Variants in PPP2R2B observed in about 807,000 individuals in gnomAD.
PPP2R2B encodes protein phosphatase 2 regulatory subunit Bbeta, also known as serine/threonine-protein phosphatase 2A 55 kDa regulatory subunit B beta isoform.
A neutral mutation model predicts 46.0 loss-of-function variants in PPP2R2B; 5 were observed. The ratio of observed to expected loss-of-function variants is 0.11; its 90% CI spans 0.06 to 0.23. The LOEUF (loss-of-function observed/expected upper bound fraction) is 0.23, where lower values mean the gene tolerates loss of function less well. Ranked by LOEUF, PPP2R2B falls within the 10% of genes least tolerant of loss-of-function variation. The pLI, the probability that PPP2R2B is intolerant of heterozygous loss-of-function variation, is 1.00. For synonymous variants in PPP2R2B, 215 were observed against 206.7 expected, an observed-to-expected ratio of 1.04 and a Z score of -0.34; for missense variants, 367 against 575.0, an observed-to-expected ratio of 0.64 and a Z score of 3.70.
chr5:146,651,614 T>C (rs6861288), intron 5 of PPP2R2B, among the ~76,000 whole-genome samples: 115,205 of 152,048 alleles, frequency 0.76, 44,564 homozygotes, highest in East Asian at 0.83. Context: ...CACTAATGCC[T>C]GAGAGGGAAC....
At chr5:146,971,142 A>T (rs1752644559) in intron 1 of PPP2R2B, among the ~76,000 whole-genome samples, 1 of 152,232 alleles carries the variant, frequency 6.6e-6, no homozygotes, top group South Asian at 2.1e-4. Flanking sequence ...AGAATGCTGC[A>T]TCTTTTCATT....
At chr5:146,704,731 AT>A (rs58940771) in intron 2 of PPP2R2B, among the ~76,000 whole-genome samples, 2,393 of 150,670 alleles carry the variant, frequency 0.016, 71 homozygotes, top group African/African-American at 0.054. Flanking sequence ...TGAGTTTATT[AT>A]TTTTTTTTTA....
At chr5:147,079,714 G>A (rs1757917887) in intron 2 of PPP2R2B, among the ~76,000 whole-genome samples, 1 of 151,860 alleles carries the variant, frequency 6.6e-6, no homozygotes, top group Non-Finnish European at 1.5e-5. Context: ...GATGGAAAGA[G>A]ATTAGTCAAT....
intron 5 of PPP2R2B, among the ~76,000 whole-genome samples, chr5:146,665,082 G>T (rs322975): frequency 2.0e-5 from 3 of 152,088 alleles, no homozygotes; most frequent in Non-Finnish European, 2.9e-5. Flanking sequence ...AAGGGCCCCA[G>T]GACTTTCAGA....
intron 2 of PPP2R2B, among the ~76,000 whole-genome samples, chr5:146,798,095 C>G (rs1478573754): frequency 6.6e-6 from 1 of 152,068 alleles, no homozygotes; most frequent in Non-Finnish European, 1.5e-5. Context: ...ATTTTTATCC[C>G]TAGTATCTTT....
chr5:147,017,416 A>G (rs1755055379), intron 1 of PPP2R2B, among the ~76,000 whole-genome samples: 1 of 151,440 alleles, frequency 6.6e-6, no homozygotes, highest in Admixed American at 6.6e-5. Context: ...GGGGAGGGAG[A>G]GATTCGAGCT....
At chr5:146,757,735 CT>C (rs1462026585) in intron 2 of PPP2R2B, among the ~76,000 whole-genome samples, 6 of 152,300 alleles carry the variant, frequency 3.9e-5, no homozygotes, top group African/African-American at 1.4e-4. Flanking sequence ...CCAAATCACA[CT>C]GGTACTTAGA....
chr5:146,600,715 A>G (rs1286698895), intron 7 of PPP2R2B, among the ~76,000 whole-genome samples: 1 of 152,216 alleles, frequency 6.6e-6, no homozygotes, highest in Non-Finnish European at 1.5e-5. Flanking sequence ...TGACAGATCT[A>G]TGTATCTAAC....
chr5:146,712,276 A>AGGAGTT (rs1238864575), intron 2 of PPP2R2B, among the ~76,000 whole-genome samples: 2 of 152,302 alleles, frequency 1.3e-5, no homozygotes, highest in East Asian at 3.9e-4. Flanking sequence ...GTTTCTGGCT[A>AGGAGTT]GGAGTTGTGG....
chr5:146,592,811 C>A (rs1770793108), intron 9 of PPP2R2B, among the ~76,000 whole-genome samples, 160 bp downstream of exon 9: 2 of 152,184 alleles, frequency 1.3e-5, no homozygotes. Flanking sequence ...TTCTTTCCAG[C>A]CTTGACTTCA....
chr5:146,770,320 G>A lies in PPP2R2B; in HGVS notation c.71-69178C>T, dbSNP rs928584244. ...CACTCCAGAGTGGGTGACAGAGTGAGATTCCGTCTCAAAAAAAAAAAAAAA... is the reference window on the plus strand; with the variant it reads ...CACTCCAGAGTGGGTGACAGAGTGAAATTCCGTCTCAAAAAAAAAAAAAAA... On this transcript the variant is annotated intron_variant, in intron 2 of 9. Transcript: ENST00000394411. 9.5e-5 allele frequency among the ~76,000 whole-genome samples: 9 copies of A among 94,354 alleles called. No individual in the cohort carries two copies. In the Admixed American group the frequency reaches 1.7e-3, roughly 18 times the overall value. 61.9% of individuals were successfully genotyped at this position (94,354 alleles called of 152,430 possible).
At chr5:146,713,332 T>C (rs1780310576) in intron 2 of PPP2R2B, among the ~76,000 whole-genome samples, 1 of 152,178 alleles carries the variant, frequency 6.6e-6, no homozygotes, top group Non-Finnish European at 1.5e-5. Flanking sequence ...GAGGTTCACA[T>C]GATATAGAGT....
chr5:146,928,355 C>T (rs1009829957), intron 1 of PPP2R2B, among the ~76,000 whole-genome samples: 4 of 151,886 alleles, frequency 2.6e-5, no homozygotes, highest in Non-Finnish European at 4.4e-5. Flanking sequence ...TAAAGGACAC[C>T]TCTAAGTCAC....
intron 2 of PPP2R2B, among the ~76,000 whole-genome samples, chr5:146,808,541 G>A (rs563396537): frequency 1.3e-5 from 2 of 152,270 alleles, no homozygotes; most frequent in African/African-American, 4.8e-5. Flanking sequence ...AGGAAGAACT[G>A]ACCAATCCTG....
chr5:146,911,466 T>C (rs895342743), intron 1 of PPP2R2B, among the ~76,000 whole-genome samples: 1 of 152,196 alleles, frequency 6.6e-6, no homozygotes, highest in Admixed American at 6.5e-5. Flanking sequence ...TGCCACTAGA[T>C]GCTAAGTTAG....
chr5:146,598,942 T>C (rs568181154), intron 8 of PPP2R2B, among the ~76,000 whole-genome samples: 10 of 152,304 alleles, frequency 6.6e-5, no homozygotes, highest in South Asian at 2.1e-4. Flanking sequence ...ACTAAGATCA[T>C]TGAATTGTGC....
At chr5:146,882,529 A>G (rs901184621), upstream of PPP2R2B, among the ~76,000 whole-genome samples, 2 of 152,226 alleles carry the variant, frequency 1.3e-5, no homozygotes, top group African/African-American at 4.8e-5. Flanking sequence ...TTATCTATAA[A>G]TTAGGAAAAT....
intron 1 of PPP2R2B, among the ~76,000 whole-genome samples, chr5:146,981,164 G>C (rs1160913628): frequency 6.6e-6 from 1 of 152,100 alleles, no homozygotes; most frequent in Non-Finnish European, 1.5e-5. Flanking sequence ...CTGGCACATA[G>C]CAGGCACTCT....
intron 2 of PPP2R2B, among the ~76,000 whole-genome samples, chr5:147,068,166 A>G (rs1757467958): frequency 6.6e-6 from 1 of 152,178 alleles, no homozygotes; most frequent in Non-Finnish European, 1.5e-5. Flanking sequence ...CATTAGTATC[A>G]CAGCTAACAT....
Sources: gnomAD v4.1 joint callset for allele counts (sites outside exome capture counted in the v4.1 genomes callset) on GRCh38, gnomAD v4.1.1 for gene constraint, MANE v1.5 for transcripts, NCBI Gene and HGNC (gene_info 2026-07-23, HGNC 2026-07-21) for gene names.